The following CSMD1 variants were observed in gnomAD, a reference collection of about 807,000 sequenced individuals.
CSMD1 encodes CUB and sushi domain-containing protein 1.
CSMD1 carries 213 observed loss-of-function variants against 417.5 expected under a neutral mutation model. The observed-to-expected ratio is 0.51, with a 90% CI of 0.46 to 0.57. CSMD1 has a LOEUF of 0.57. CSMD1 is among the 20% of genes least tolerant of loss of function. The pLI is 0.00. For missense variants in CSMD1, 6,923 were observed against 4,529.7 expected, an observed-to-expected ratio of 1.53 and a Z score of -15.17; for synonymous variants, 2,862 against 1,736.8, an observed-to-expected ratio of 1.65 and a Z score of -16.11.
At chr8:4,899,119 T>G (rs1383672956) in intron 1 of CSMD1, among the ~76,000 whole-genome samples, 1 of 152,202 alleles carries the variant, frequency 6.6e-6, no homozygotes, top group Admixed American at 6.5e-5. Flanking sequence ...AATGGTAATT[T>G]GGTTATACAC....
At chr8:4,152,464 C>T (rs1356442716) in intron 3 of CSMD1, among the ~76,000 whole-genome samples, 1 of 150,826 alleles carries the variant, frequency 6.6e-6, no homozygotes, top group Admixed American at 6.6e-5. Flanking sequence ...TGCTTGAGCC[C>T]AGCAGTTTGG....
intron 42 of CSMD1, 33 bp downstream of exon 42, chr8:3,118,366 T>C: frequency 1.3e-6 from 2 of 1,516,262 alleles, no homozygotes; most frequent in Non-Finnish European, 1.8e-6. Flanking sequence ...CCATGAAACA[T>C]TAAATCGCCC....
intron 2 of CSMD1, among the ~76,000 whole-genome samples, chr8:4,627,403 A>G (rs1350338627): frequency 6.6e-6 from 1 of 152,186 alleles, no homozygotes; most frequent in Non-Finnish European, 1.5e-5. Context: ...GTTTCCCACT[A>G]AACTATTTCA....
intron 4 of CSMD1, among the ~76,000 whole-genome samples, chr8:4,030,413 T>C (rs944918504): frequency 6.6e-6 from 1 of 152,200 alleles, no homozygotes; most frequent in Non-Finnish European, 1.5e-5. Context: ...CAACACCACA[T>C]GGAAGCTGCC....
intron 54 of CSMD1, among the ~76,000 whole-genome samples, chr8:2,979,676 G>A (rs1805243972): frequency 6.6e-6 from 1 of 152,170 alleles, no homozygotes; most frequent in South Asian, 2.1e-4. Flanking sequence ...CCCAAACTGT[G>A]CGTTTTATTT....
chr8:4,448,178 A>T (rs1366570662), intron 2 of CSMD1, among the ~76,000 whole-genome samples: 1 of 152,192 alleles, frequency 6.6e-6, no homozygotes, highest in Non-Finnish European at 1.5e-5. Context: ...ATGTAACCAT[A>T]ATGTCTATTT....
At chr8:3,804,546 G>A (rs997699254) in intron 5 of CSMD1, among the ~76,000 whole-genome samples, 6 of 152,092 alleles carry the variant, frequency 3.9e-5, no homozygotes, top group African/African-American at 1.4e-4. Flanking sequence ...CTATAAATGA[G>A]ATTAGCAAAA....
At chr8:4,172,492 A>C (rs1797821730) in intron 3 of CSMD1, among the ~76,000 whole-genome samples, 1 of 152,138 alleles carries the variant, frequency 6.6e-6, no homozygotes, top group Non-Finnish European at 1.5e-5. Flanking sequence ...GACAATTAAA[A>C]AAAAAAACTG....
chr8:2,965,758 A>C lies in CSMD1; in HGVS notation c.9280+17T>G. ...TTCTATACACATCTGTAAAATCCAA[A>C]GAGTCACCAAACAAACCTTTGCAGA... is the stretch of plus-strand genomic sequence containing the variant. On this transcript the variant is annotated intron_variant, in intron 59 of 69. Transcript: ENST00000635120. The C allele has an allele frequency of 6.3e-7, 1 of 1,587,478 alleles. No homozygotes were observed. The highest frequency in any genetic ancestry group is 8.6e-7 in the Non-Finnish European group (1 of 1,165,010).
intron 3 of CSMD1, among the ~76,000 whole-genome samples, chr8:4,307,723 G>T (rs62478633): frequency 0.034 from 5,121 of 152,224 alleles, 115 homozygotes; most frequent in Non-Finnish European, 0.046. Context: ...GACCATGAGT[G>T]GGAATGAATA....
chr8:4,693,200 G>A (rs1002176975), intron 1 of CSMD1, among the ~76,000 whole-genome samples: 2 of 152,192 alleles, frequency 1.3e-5, no homozygotes, highest in Non-Finnish European at 2.9e-5. Flanking sequence ...TGAAATGTGA[G>A]ACACCATGCT....
chr8:4,800,899 A>C (rs1338192239), intron 1 of CSMD1, among the ~76,000 whole-genome samples: 1 of 152,204 alleles, frequency 6.6e-6, no homozygotes, highest in Non-Finnish European at 1.5e-5. Context: ...TACGTCTTGT[A>C]CTCATCACAG....
chr8:4,666,440 G>C (rs572184953), intron 1 of CSMD1, among the ~76,000 whole-genome samples: 1 of 152,104 alleles, frequency 6.6e-6, no homozygotes, highest in African/African-American at 2.4e-5. Flanking sequence ...CAGCACAGGA[G>C]ACAAGCAATG....
intron 10 of CSMD1, among the ~76,000 whole-genome samples, chr8:3,574,279 C>T (rs148570541): frequency 0.022 from 3,306 of 152,306 alleles, 128 homozygotes; most frequent in African/African-American, 0.075. Flanking sequence ...CTTGCTCTGT[C>T]GCCCAGGCTG....
chr8:3,591,727 A>G (rs559761704), intron 8 of CSMD1, among the ~76,000 whole-genome samples: 3 of 152,216 alleles, frequency 2.0e-5, no homozygotes, highest in Admixed American at 2.0e-4. Flanking sequence ...GAGAGATTAG[A>G]TGACAGATAC....
chr8:3,894,295 G>A (rs768940660), intron 5 of CSMD1, among the ~76,000 whole-genome samples: 5 of 152,088 alleles, frequency 3.3e-5, no homozygotes, highest in African/African-American at 4.8e-5. Context: ...CACCTGTCTC[G>A]CTCCAGTCTC....
intron 23 of CSMD1, among the ~76,000 whole-genome samples, chr8:3,313,318 C>T (rs375543058): frequency 5.3e-5 from 8 of 152,136 alleles, no homozygotes; most frequent in African/African-American, 1.9e-4. Context: ...AAACCACCAT[C>T]AGAGTGAACA....
At chr8:4,243,934 T>A (rs1174065019) in intron 3 of CSMD1, among the ~76,000 whole-genome samples, 3 of 152,176 alleles carry the variant, frequency 2.0e-5, no homozygotes, top group Admixed American at 6.5e-5. Flanking sequence ...CCAAAGTGAC[T>A]TCCTCCAACT....
chr8:4,255,222 A>G lies in CSMD1; in HGVS notation c.415+164731T>C, dbSNP rs538476501. ...ACTAATTTTTATAAGCAGCGCATGC[A>G]GTCCCTATGGATTTGACTAAAATTT... On this transcript the variant is annotated intron_variant, in intron 3 of 69. Transcript: ENST00000635120. Among the ~76,000 whole-genome samples the G allele has an allele frequency of 3.9e-5, 6 of 152,312 alleles. No individual in the cohort carries two copies. In the South Asian group the frequency reaches 6.2e-4, roughly 16 times the overall value.
Sources: gnomAD v4.1 joint callset for allele counts (sites outside exome capture counted in the v4.1 genomes callset) on GRCh38, gnomAD v4.1.1 for gene constraint, MANE v1.5 for transcripts, NCBI Gene and HGNC (gene_info 2026-07-23, HGNC 2026-07-21) for gene names.